Variants in CNTN3 observed in about 807,000 individuals in gnomAD.
The protein encoded by CNTN3 is contactin 3.
A neutral mutation model predicts 119.1 loss-of-function variants in CNTN3; 60 were observed. The ratio of observed to expected loss-of-function variants is 0.50; its 90% CI spans 0.41 to 0.62. CNTN3 has a LOEUF of 0.62. Ranked by LOEUF, CNTN3 falls within the 20% of genes least tolerant of loss-of-function variation. CNTN3 has a pLI of 0.00. For missense variants in CNTN3, 1,101 were observed against 1,242.4 expected (o/e 0.89, Z 1.71); for synonymous variants, 450 against 438.7 (o/e 1.03, Z -0.32).
intron 4 of CNTN3, among the ~76,000 whole-genome samples, chr3:74,477,844 A>C (rs902381279): frequency 3.9e-5 from 6 of 152,114 alleles, no homozygotes; most frequent in African/African-American, 1.4e-4. Flanking sequence ...AACAATTAAA[A>C]ATTTAAAAAA....
At chr3:74,348,235 T>C (rs1365731287) in intron 11 of CNTN3, among the ~76,000 whole-genome samples, 2 of 152,232 alleles carry the variant, frequency 1.3e-5, no homozygotes, top group African/African-American at 4.8e-5. Flanking sequence ...ATAGATATGA[T>C]ATGATAATTA....
At chr3:74,285,801 AT>A (rs2106783225) in intron 19 of CNTN3, among the ~76,000 whole-genome samples, 1 of 73,740 alleles carries the variant, frequency 1.4e-5, no homozygotes, top group Admixed American at 1.1e-4. Flanking sequence ...ATATATATAT[AT>A]ATATATATAT....
At chr3:74,428,171 T>C (rs572423914) in intron 4 of CNTN3, among the ~76,000 whole-genome samples, 2 of 152,260 alleles carry the variant, frequency 1.3e-5, no homozygotes, top group East Asian at 1.9e-4. Context: ...GTATAGCATA[T>C]AATGCTTGAG....
At chr3:74,447,199 G>T (rs993429785) in intron 4 of CNTN3, among the ~76,000 whole-genome samples, 6 of 152,126 alleles carry the variant, frequency 3.9e-5, no homozygotes, top group Admixed American at 1.3e-4. Context: ...GAGAAGTGAG[G>T]TTCCCAGAAC....
At chr3:74,279,482 C>T (rs1340404156) in intron 20 of CNTN3, among the ~76,000 whole-genome samples, 1 of 152,162 alleles carries the variant, frequency 6.6e-6, no homozygotes, top group Non-Finnish European at 1.5e-5. Flanking sequence ...GAATTAACGG[C>T]ATTCACAGTG....
In CNTN3 at chr3:74,607,721, T is replaced by C. The variant is rs551106806; in HGVS notation, c.-81+6670A>G. On this transcript the variant is annotated intron_variant, in intron 1 of 22. Transcript: ENST00000263665. ...ATGATATTTAAGAACAAGACAAATA[T>C]TTGCATGGAAAAAGATCCATGGAAG... Among the ~76,000 whole-genome samples, 5 of 152,240 alleles carry C rather than the reference T, an allele frequency of 3.3e-5. No individual in the cohort carries two copies. The East Asian group carries it at 9.7e-4, about 29-fold the overall frequency.
intron 13 of CNTN3, among the ~76,000 whole-genome samples, chr3:74,334,046 GCAT>G (rs1703332011): frequency 6.6e-6 from 1 of 152,164 alleles, no homozygotes; most frequent in Admixed American, 6.5e-5. Context: ...TGGCTCACCA[GCAT>G]TAAGCCACTT....
intron 4 of CNTN3, among the ~76,000 whole-genome samples, chr3:74,474,807 G>A (rs1293923709): frequency 6.6e-6 from 1 of 152,142 alleles, no homozygotes; most frequent in African/African-American, 2.4e-5. Flanking sequence ...AATGGCTTAG[G>A]ATCATCCCTC....
At chr3:74,267,540 T>C (rs1701687414) in intron 20 of CNTN3, 162 bp from the exon 21 acceptor site, 2 of 522,668 alleles carry the variant, frequency 3.8e-6, no homozygotes, top group Non-Finnish European at 6.8e-6. Context: ...ACAGAGTATA[T>C]AAATTTCCTT....
At chr3:74,612,443 A>C (rs2106720767) in intron 1 of CNTN3, among the ~76,000 whole-genome samples, 1 of 152,332 alleles carries the variant, frequency 6.6e-6, no homozygotes, top group East Asian at 1.9e-4. Flanking sequence ...AATATTTAAA[A>C]GTTAGAGTTC....
At chr3:74,481,815 A>G (rs1364859380) in intron 4 of CNTN3, among the ~76,000 whole-genome samples, 1 of 151,800 alleles carries the variant, frequency 6.6e-6, no homozygotes, top group African/African-American at 2.4e-5. Flanking sequence ...CTAACAAATT[A>G]TATTTTAAAA....
intron 10 of CNTN3, among the ~76,000 whole-genome samples, chr3:74,363,002 C>T (rs191996507): frequency 7.8e-4 from 119 of 152,202 alleles, no homozygotes; most frequent in South Asian, 2.1e-3. Context: ...CTTTTGTTTA[C>T]GCACCTCGTA....
chr3:74,309,424 A>G (rs900607571), intron 13 of CNTN3, among the ~76,000 whole-genome samples: 1 of 152,158 alleles, frequency 6.6e-6, no homozygotes, highest in African/African-American at 2.4e-5. Flanking sequence ...CTCTCATTCT[A>G]TATTATATTA....
At chr3:74,453,518 A>T (rs1226923391) in intron 4 of CNTN3, among the ~76,000 whole-genome samples, 4 of 151,796 alleles carry the variant, frequency 2.6e-5, no homozygotes, top group Non-Finnish European at 5.9e-5. Context: ...TATTTCCTTC[A>T]GTTCTGCTCT....
At chr3:74,389,730 G>A (rs924304969) in intron 5 of CNTN3, among the ~76,000 whole-genome samples, 7 of 152,120 alleles carry the variant, frequency 4.6e-5, no homozygotes, top group Non-Finnish European at 7.3e-5. Flanking sequence ...TGAACCCAGC[G>A]TAATTCCTAA....
At chr3:74,498,465 A>C (rs146073850) in intron 3 of CNTN3, among the ~76,000 whole-genome samples, 90 of 151,944 alleles carry the variant, frequency 5.9e-4, no homozygotes, top group East Asian at 5.2e-3. Flanking sequence ...ATCTTTGCCA[A>C]CTCTAATCAG....
At position 74,359,390 on chromosome 3, in the gene CNTN3, G is replaced by A. The variant is rs565790127; in HGVS notation, c.1364+2500C>T. ...AAGGATATATTATCTCTATATTATG[G>A]AAGAGGAAACGGAGGTTCAGAGGTA... On this transcript the variant is annotated intron_variant, in intron 11 of 22. Coordinates refer to ENST00000263665, the MANE Select transcript of CNTN3 (RefSeq NM_020872.3). Among the ~76,000 whole-genome samples the A allele has an allele frequency of 6.6e-5, 10 of 152,226 alleles. No individual in the cohort carries two copies. In the South Asian group the frequency reaches 1.7e-3, roughly 25 times the overall value.
intron 11 of CNTN3, among the ~76,000 whole-genome samples, chr3:74,347,804 C>T (rs1038933171): frequency 6.6e-6 from 1 of 152,072 alleles, no homozygotes; most frequent in Non-Finnish European, 1.5e-5. Context: ...TTGCCACTCT[C>T]CCATTAAAAG....
intron 8 of CNTN3, among the ~76,000 whole-genome samples, chr3:74,366,452 A>G (rs1704188730): frequency 6.6e-6 from 1 of 152,054 alleles, no homozygotes; most frequent in Non-Finnish European, 1.5e-5. Context: ...AATGAAAGTC[A>G]CTTACTATAT....
Sources: gnomAD v4.1 joint callset for allele counts (sites outside exome capture counted in the v4.1 genomes callset) on GRCh38, gnomAD v4.1.1 for gene constraint, MANE v1.5 for transcripts, NCBI Gene and HGNC (gene_info 2026-07-23, HGNC 2026-07-21) for gene names.